GRIP1: variants seen among roughly 807,000 people sequenced by gnomAD.
GRIP1 encodes the protein glutamate receptor-interacting protein 1.
A neutral mutation model predicts 129.9 loss-of-function variants in GRIP1; 45 were observed. The ratio of observed to expected loss-of-function variants is 0.35; its 90% CI spans 0.27 to 0.44. The LOEUF (loss-of-function observed/expected upper bound fraction) is 0.44. Ranked by LOEUF, GRIP1 falls within the 20% of genes least tolerant of loss-of-function variation. The pLI, the probability that GRIP1 is intolerant of heterozygous loss-of-function variation, is 1.00. For synonymous variants in GRIP1, 530 were observed against 520.8 expected (o/e 1.02, Z -0.24); for missense variants, 1,196 against 1,396.8 (o/e 0.86, Z 2.29).
intron 1 of GRIP1, among the ~76,000 whole-genome samples, chr12:66,707,215 T>C (rs1009477269): frequency 6.6e-6 from 1 of 151,858 alleles, no homozygotes; most frequent in African/African-American, 2.4e-5. Context: ...CACATGCTCT[T>C]AGAGACTTCC....
chr12:66,966,829 TGTGA>T (rs2042004637), intron 1 of GRIP1, among the ~76,000 whole-genome samples: 1 of 152,186 alleles, frequency 6.6e-6, no homozygotes, highest in Non-Finnish European at 1.5e-5. Flanking sequence ...ATCATCTGGC[TGTGA>T]GTAACTACCA....
At chr12:66,421,980 G>A (rs934030850) in intron 14 of GRIP1, among the ~76,000 whole-genome samples, 25 of 152,120 alleles carry the variant, frequency 1.6e-4, no homozygotes, top group Non-Finnish European at 3.1e-4. Flanking sequence ...ACCAACATTT[G>A]TGAAAAACAA....
At chr12:66,521,475 T>G (rs907233774) in intron 5 of GRIP1, among the ~76,000 whole-genome samples, 1 of 152,198 alleles carries the variant, frequency 6.6e-6, no homozygotes, top group Non-Finnish European at 1.5e-5. Context: ...ATCTTATAGG[T>G]GAAGACAAAA....
chr12:66,900,247 A>C (rs970987312), intron 1 of GRIP1, among the ~76,000 whole-genome samples: 7 of 152,198 alleles, frequency 4.6e-5, no homozygotes, highest in Non-Finnish European at 1.0e-4. Flanking sequence ...TTTCCTCTTC[A>C]GATAAATGAA....
intron 1 of GRIP1, among the ~76,000 whole-genome samples, chr12:66,818,373 A>G (rs1331907649): frequency 6.6e-6 from 1 of 152,224 alleles, no homozygotes; most frequent in Non-Finnish European, 1.5e-5. Flanking sequence ...AAAAGCTTGT[A>G]TTTTATTATT....
intron 1 of GRIP1, among the ~76,000 whole-genome samples, chr12:66,693,896 G>A (rs1443893705): frequency 6.6e-6 from 1 of 152,138 alleles, no homozygotes; most frequent in Non-Finnish European, 1.5e-5. Flanking sequence ...TTTAGTGGTT[G>A]ATTTGATTGC....
chr12:66,767,810 T>C (rs1386663580), intron 1 of GRIP1, among the ~76,000 whole-genome samples: 1 of 152,162 alleles, frequency 6.6e-6, no homozygotes, highest in African/African-American at 2.4e-5. Context: ...CATACATGTT[T>C]TGGTGCCATA....
intron 1 of GRIP1, among the ~76,000 whole-genome samples, chr12:66,847,383 T>C (rs1026975358): frequency 1.3e-5 from 2 of 152,188 alleles, no homozygotes; most frequent in African/African-American, 2.4e-5. Flanking sequence ...CTTGTCTATA[T>C]ATGTATATAA....
rs2034465361 is a variant in GRIP1 at position 66,678,941 on chromosome 12, G to A, written c.-37C>T. 1 of 1,612,702 alleles carries A rather than the reference G, an allele frequency of 6.2e-7. No individual in the cohort carries two copies. The highest frequency in any genetic ancestry group is 1.7e-5 in the Admixed American group (1 of 59,898). ...GCTTTCTGTGGCAAAGTGTACTCAAGGCTCTCTGCTCTGGTGGCTGCAGCA... is the reference window on the plus strand; with the variant it reads ...GCTTTCTGTGGCAAAGTGTACTCAAAGCTCTCTGCTCTGGTGGCTGCAGCA... On this transcript the variant is annotated 5_prime_UTR_variant, in exon 1 of 25. Transcript: ENST00000359742.
chr12:66,682,100 C>T (rs2034607000), upstream of GRIP1, among the ~76,000 whole-genome samples: 1 of 152,122 alleles, frequency 6.6e-6, no homozygotes. Flanking sequence ...CATTCTTTCT[C>T]CTCTTGTTTT....
intron 2 of GRIP1, among the ~76,000 whole-genome samples, chr12:66,587,399 A>C (rs974345129): frequency 2.6e-5 from 4 of 152,220 alleles, no homozygotes; most frequent in African/African-American, 9.6e-5. Flanking sequence ...TTCTGCTCCC[A>C]CACTCTCTAC....
rs2060894153 is a variant in GRIP1 at position 66,517,941 on chromosome 12, C to T, written c.538G>A (p.Val180Ile). ...CCAGGACGAACACATGTTATCACAACTGGACGAGATTTATTTCTATCATCA... is the reference window on the plus strand; with the variant it reads ...CCAGGACGAACACATGTTATCACAATTGGACGAGATTTATTTCTATCATCA... ...AHDDRNKSRPVVITCVRPGGP... is the reference protein window; with the variant it reads ...AHDDRNKSRPIVITCVRPGGP... Residue 180 changes from valine (V) to isoleucine (I), a missense_variant, in exon 6 of 25, where the codon GTT becomes ATT. Physicochemically the swap from Val to Ile is conservative, Grantham distance 29. Transcript: ENST00000359742. 1.3e-6 allele frequency: 2 copies of T among 1,599,630 alleles called. No individual in the cohort carries two copies. Among genetic ancestry groups the T allele is most frequent in the Admixed American group, 1.7e-5 (1 of 59,952 alleles).
At position 66,730,106 on chromosome 12, in the gene GRIP1, A is replaced by G. The variant is rs185674407; in HGVS notation, c.-420+73947T>C. Among the ~76,000 whole-genome samples the G allele has an allele frequency of 3.9e-3, 588 of 152,318 alleles. 3 individuals are homozygous for G. The highest frequency in any genetic ancestry group is 0.014 in the African/African-American group (562 of 41,564). ...CATACAGCAGACTGACTCATATATAATAGCCACTTGATAGCTGTAAAATGA... is the reference window on the plus strand; with the variant it reads ...CATACAGCAGACTGACTCATATATAGTAGCCACTTGATAGCTGTAAAATGA... On this transcript the variant is annotated intron_variant, in intron 1 of 4. Transcript: ENST00000538373.
rs1382182517 is a variant in GRIP1, at chr12:66,723,602, C to T, written c.-420+80451G>A. 2.0e-5 allele frequency among the ~76,000 whole-genome samples: 3 copies of T among 151,954 alleles called. No individual in the cohort carries two copies. The East Asian group carries it at 5.8e-4, about 29-fold the overall frequency. On this transcript the variant is annotated intron_variant, in intron 1 of 4. Transcript: ENST00000538373. ...TGCTAGGATCACAGGCATGAGCCAC[C>T]ACGCCTGGCCTCATTTTCTTTTTGG...
intron 1 of GRIP1, among the ~76,000 whole-genome samples, chr12:66,907,017 GT>G (rs2040944730): frequency 6.6e-6 from 1 of 152,164 alleles, no homozygotes; most frequent in South Asian, 2.1e-4. Flanking sequence ...TGTCTCACCA[GT>G]TTTTCTACTA....
At chr12:66,417,114 A>C (rs909219858) in intron 15 of GRIP1, among the ~76,000 whole-genome samples, 1 of 152,186 alleles carries the variant, frequency 6.6e-6, no homozygotes, top group South Asian at 2.1e-4. Context: ...ATCACAACCC[A>C]GGGATTAAAA....
chr12:66,648,448 C>T (rs1315282425), intron 1 of GRIP1, among the ~76,000 whole-genome samples: 1 of 152,136 alleles, frequency 6.6e-6, no homozygotes, highest in Non-Finnish European at 1.5e-5. Flanking sequence ...TTTGTAGTTC[C>T]CAGCTTACGG....
At chr12:66,661,262 C>T (rs181580106) in intron 1 of GRIP1, among the ~76,000 whole-genome samples, 2 of 151,818 alleles carry the variant, frequency 1.3e-5, no homozygotes, top group Non-Finnish European at 2.9e-5. Context: ...ATCAACTGGC[C>T]GAAGAGTGTA....
chr12:66,775,643 G>C (rs985275839), intron 1 of GRIP1, among the ~76,000 whole-genome samples: 1 of 152,010 alleles, frequency 6.6e-6, no homozygotes, highest in Non-Finnish European at 1.5e-5. Flanking sequence ...TAACTGGACA[G>C]AGACCTTTCA....
Sources: allele counts gnomAD v4.1 joint callset (sites outside exome capture counted in the v4.1 genomes callset), GRCh38; gene constraint gnomAD v4.1.1; transcripts MANE v1.5; gene names NCBI Gene and HGNC (gene_info 2026-07-23, HGNC 2026-07-21).